The following TRIML2 variants were observed in gnomAD, a reference collection of about 807,000 sequenced individuals.
The protein encoded by TRIML2 is probable E3 ubiquitin-protein ligase TRIML2.
In TRIML2, 28 loss-of-function variants were observed where a neutral mutation model predicts 31.2. The observed-to-expected ratio is 0.90, with a 90% confidence interval of 0.66 to 1.23. The LOEUF is 1.23. Among genes scored for constraint, TRIML2 ranks in the 50% most tolerant of loss-of-function variants. The pLI, the probability that TRIML2 is intolerant of heterozygous loss-of-function variation, is 0.00. For synonymous variants in TRIML2, 187 were observed against 197.5 expected (o/e 0.95, Z 0.45); for missense variants, 536 against 528.3 (o/e 1.01, Z -0.14).
At chr4:188,092,971 T>C (rs1733333936) in intron 7 of TRIML2, 1 of 431,488 alleles carries the variant, frequency 2.3e-6, no homozygotes, top group South Asian at 1.7e-5. Context: ...TAACTGTGCA[T>C]AGCTTCAGTT....
chr4:188,098,831 A>C (rs1283601706), intron 5 of TRIML2: 11 of 556,980 alleles, frequency 2.0e-5, no homozygotes, highest in Non-Finnish European at 3.1e-5. Context: ...GTGAGAATTC[A>C]TCTCATGAAG....
intron 5 of TRIML2, among the ~76,000 whole-genome samples, chr4:188,097,755 T>C (rs1733582299): frequency 6.6e-6 from 1 of 152,096 alleles, no homozygotes; most frequent in Admixed American, 6.6e-5. Flanking sequence ...CCTAAGGATT[T>C]ACCTACAGAC....
At chr4:188,101,414 G>A (rs1023340954) in intron 3 of TRIML2, among the ~76,000 whole-genome samples, 164 bp from the exon 4 acceptor site, 1 of 151,838 alleles carries the variant, frequency 6.6e-6, no homozygotes, top group African/African-American at 2.4e-5. Flanking sequence ...AGACAAGGAA[G>A]GCTGGGCGCA....
In TRIML2 at chr4:188,099,184, G is replaced by A; in HGVS notation, c.481-9C>T. The A allele has an allele frequency of 6.3e-7, 1 of 1,589,420 alleles. No homozygotes were observed. On this transcript the variant is annotated splice_polypyrimidine_tract_variant and intron_variant, in intron 4 of 7. Transcript: ENST00000682553. ...CCCACACGGCCCAGTCTCTGCAGAA[G>A]CATTTCTTCGTTACTATTCAACAAC...
At position 188,091,661 on chromosome 4, in the gene TRIML2, C is replaced by A. The variant is rs747178205; in HGVS notation, c.1026G>T (p.Thr342=). ...ARASGEKVLL[T]GSVMGTEWTL... ...TCCACTCGGTCCCCATCACCGACCCCGTGAGCAAGACTTTCTCTCCGGAAG... is the reference window on the plus strand; with the variant it reads ...TCCACTCGGTCCCCATCACCGACCCAGTGAGCAAGACTTTCTCTCCGGAAG... Residue 342 remains threonine (T), a synonymous_variant, in exon 8 of 8, where the codon ACG becomes ACT. Transcript: ENST00000682553. 1.9e-6 allele frequency: 3 copies of A among 1,613,620 alleles called. No individual in the cohort carries two copies. The highest frequency in any genetic ancestry group is 4.5e-5 in the East Asian group (2 of 44,820).
Position 188,103,661 on chromosome 4 carries a change from TA to T in TRIML2, c.285+1175del, listed in dbSNP as rs201588349. Among the ~76,000 whole-genome samples the T allele has an allele frequency of 7.6e-3, 1,160 of 152,268 alleles. 23 individuals are homozygous for T. The highest frequency in any genetic ancestry group is 0.026 in the African/African-American group (1,096 of 41,534). Reference sequence around the variant, plus strand: ...TCACTCCATTGCTTCCTTTCTCACTTAAAAAAAATTTTTTTAAACACTTCCC... The same window carrying T: ...TCACTCCATTGCTTCCTTTCTCACTTAAAAAAATTTTTTTAAACACTTCCC... On this transcript the variant is annotated intron_variant, in intron 3 of 7. Transcript: ENST00000682553.
intron 3 of TRIML2, among the ~76,000 whole-genome samples, chr4:188,103,756 G>C (rs28642942): frequency 6.6e-6 from 1 of 152,018 alleles, no homozygotes. Flanking sequence ...CGAAAGCAGA[G>C]CTGGTTTTTT....
chr4:188,094,587 T>C (rs28796868), intron 7 of TRIML2, among the ~76,000 whole-genome samples: 1 of 152,134 alleles, frequency 6.6e-6, no homozygotes, highest in Non-Finnish European at 1.5e-5. Context: ...CAAATACATA[T>C]AACATTTTAT....
chr4:188,106,229 TTG>T (rs754409840), intron 1 of TRIML2, among the ~76,000 whole-genome samples: 287 of 152,146 alleles, frequency 1.9e-3, no homozygotes, highest in Middle Eastern at 0.01. Flanking sequence ...TTTTGTATTT[TTG>T]TAGTAGAGAC....
intron 7 of TRIML2, among the ~76,000 whole-genome samples, chr4:188,096,308 G>T (rs929621671): frequency 6.6e-6 from 1 of 151,834 alleles, no homozygotes; most frequent in Non-Finnish European, 1.5e-5. Flanking sequence ...CCCAAGGCGC[G>T]TGGATCACCT....
chr4:188,103,053 C>T (rs1303075150), intron 3 of TRIML2, among the ~76,000 whole-genome samples: 2 of 143,512 alleles, frequency 1.4e-5, no homozygotes, highest in Non-Finnish European at 3.0e-5. Flanking sequence ...CGCTCTGTCG[C>T]CCAGGCTGGA....
chr4:188,098,415 C>T (rs1302004175), intron 5 of TRIML2: 44 of 261,330 alleles, frequency 1.7e-4, no homozygotes, highest in South Asian at 1.5e-3. Flanking sequence ...GGCTCTGCCC[C>T]CAGGCCCCAC....
chr4:188,098,293 T>C (rs1268301152), intron 5 of TRIML2: 4 of 452,512 alleles, frequency 8.8e-6, no homozygotes, highest in East Asian at 1.4e-4. Flanking sequence ...GCAGATTCAG[T>C]GTCCGGTGAG....
At chr4:188,104,759 A>C in intron 3 of TRIML2, 78 bp downstream of exon 3, 1 of 1,179,792 alleles carries the variant, frequency 8.5e-7, no homozygotes, top group Non-Finnish European at 1.3e-6. Context: ...TTGTCTTTTG[A>C]CTTTGTTTAT....
chr4:188,099,310 T>A, intron 4 of TRIML2, 135 bp from the exon 5 acceptor site: 1 of 1,170,620 alleles, frequency 8.5e-7, no homozygotes, highest in Non-Finnish European at 1.2e-6. Flanking sequence ...CTCACGCCTG[T>A]AATCCCAGCA....
rs1160420125 is a variant in TRIML2 at position 188,109,470 on chromosome 4, G to T, written c.-450C>A. On this transcript the variant is annotated 5_prime_UTR_variant, in exon 1 of 8. Transcript: ENST00000682553. ...TTTTTGTATTTTTTGTAGAGACGGGGTTTCAGTATTTTTCCCAGGCTGGTC... is the reference window on the plus strand; with the variant it reads ...TTTTTGTATTTTTTGTAGAGACGGGTTTTCAGTATTTTTCCCAGGCTGGTC... 6.6e-6 allele frequency: 1 copy of T among 151,610 alleles called. No individual in the cohort carries two copies. Among genetic ancestry groups the T allele is most frequent in the Admixed American group, 6.6e-5 (1 of 15,170 alleles). 9.4% of individuals were successfully genotyped at this position (151,610 alleles called of 1,614,324 possible).
Position 188,091,665 on chromosome 4 carries a change from A to G in TRIML2, c.1022T>C (p.Leu341Pro). Residue 341 changes from leucine (L) to proline (P), a missense_variant, in exon 8 of 8, where the codon CTC (leucine) becomes CCC (proline). Transcript: ENST00000682553. Reference sequence around the variant, plus strand: ...CTCGGTCCCCATCACCGACCCCGTGAGCAAGACTTTCTCTCCGGAAGCTCT... The same window carrying G: ...CTCGGTCCCCATCACCGACCCCGTGGGCAAGACTTTCTCTCCGGAAGCTCT... ...TARASGEKVL[L>P]TGSVMGTEWT... The G allele has an allele frequency of 6.2e-7, 1 of 1,613,422 alleles. No homozygotes were observed. The highest frequency in any genetic ancestry group is 8.5e-7 in the Non-Finnish European group (1 of 1,179,420).
At chr4:188,103,661 T>C (rs1733902810) in intron 3 of TRIML2, among the ~76,000 whole-genome samples, 1 of 152,154 alleles carries the variant, frequency 6.6e-6, no homozygotes. Flanking sequence ...CTTTCTCACT[T>C]AAAAAAAATT....
At chr4:188,101,342 T>C (rs1358921504) in intron 3 of TRIML2, 92 bp from the exon 4 acceptor site, 1 of 633,650 alleles carries the variant, frequency 1.6e-6, no homozygotes, top group East Asian at 2.9e-5. Flanking sequence ...TATATCTATA[T>C]ATAGATATAT....
Sources: gnomAD v4.1 joint callset for allele counts (sites outside exome capture counted in the v4.1 genomes callset) on GRCh38, gnomAD v4.1.1 for gene constraint, MANE v1.5 for transcripts, NCBI Gene and HGNC (gene_info 2026-07-23, HGNC 2026-07-21) for gene names.